Variants in ZNF521 observed in about 807,000 individuals in gnomAD.
The protein encoded by ZNF521 is LYST-interacting protein 3.
In ZNF521, 14 loss-of-function variants were observed where a neutral mutation model predicts 105.5. The observed-to-expected ratio is 0.13, with a 90% CI of 0.09 to 0.21. ZNF521 has a LOEUF of 0.21. Among genes scored for constraint, ZNF521 ranks in the 10% least tolerant of loss-of-function variants. The pLI is 1.00. For synonymous variants in ZNF521, 635 were observed against 606.0 expected, an observed-to-expected ratio of 1.05 and a Z score of -0.70; for missense variants, 1,233 against 1,629.7, an observed-to-expected ratio of 0.76 and a Z score of 4.19.
At chr18:25,105,587 T>G (rs1401193650) in intron 5 of ZNF521, among the ~76,000 whole-genome samples, 1 of 152,146 alleles carries the variant, frequency 6.6e-6, no homozygotes, top group East Asian at 1.9e-4. Context: ...TTTCAAAATG[T>G]GTGGGTGTGG....
Position 25,195,202 on chromosome 18 carries a change from T to C in ZNF521, c.3616A>G (p.Asn1206Asp), listed in dbSNP as rs769038829. The C allele has an allele frequency of 6.9e-6, 11 of 1,599,412 alleles. No individual in the cohort carries two copies. Among genetic ancestry groups the C allele is most frequent in the Non-Finnish European group, 9.4e-6 (11 of 1,174,208 alleles). The change falls in exon 5 of 8, where the codon AAT (asparagine) becomes GAT (aspartate). Residue 1206 changes from asparagine (N) to aspartate (D), a missense_variant. Asn to Asp is a conservative substitution (Grantham distance 23). Transcript: ENST00000361524. ...QCIKCQMVFY[N>D]EWDIQVHVAN... ...ACATGAACCTGAATATCCCATTCAT[T>C]GTAGAAAACCATCTGACACTTGATG... is the stretch of plus-strand genomic sequence containing the variant.
chr18:25,214,976 C>T (rs183547599), intron 4 of ZNF521, among the ~76,000 whole-genome samples: 33 of 152,158 alleles, frequency 2.2e-4, no homozygotes, highest in African/African-American at 7.7e-4. Flanking sequence ...AGACGAAACA[C>T]TAACCAAAAT....
At chr18:25,076,614 A>C (rs2033368076) in intron 7 of ZNF521, among the ~76,000 whole-genome samples, 1 of 152,204 alleles carries the variant, frequency 6.6e-6, no homozygotes, top group South Asian at 2.1e-4. Context: ...GGAATGAATG[A>C]GCCAATTCAC....
At chr18:25,162,404 G>A (rs1044194772) in intron 5 of ZNF521, among the ~76,000 whole-genome samples, 2 of 152,100 alleles carry the variant, frequency 1.3e-5, no homozygotes, top group Admixed American at 6.5e-5. Flanking sequence ...GTATGGATAC[G>A]GAATTCTATA....
Position 25,225,946 on chromosome 18 carries a change from C to G in ZNF521, c.1972G>C (p.Asp658His). 6.2e-7 allele frequency: 1 copy of G among 1,614,022 alleles called. No homozygotes were observed. Among genetic ancestry groups the G allele is most frequent in the South Asian group, 1.1e-5 (1 of 91,086 alleles). The part of the protein sequence containing the change: ...SFQTHLKTHL[D>H]TVLPKLTCPQ... ...CAGGTCAATTTTGGAAGCACAGTGTCGAGATGAGTTTTTAGGTGAGTCTGA... is the reference window on the plus strand; with the variant it reads ...CAGGTCAATTTTGGAAGCACAGTGTGGAGATGAGTTTTTAGGTGAGTCTGA... Residue 658 changes from aspartate to histidine, a missense_variant, in exon 4 of 8, where the codon GAC becomes CAC. This residue lies in a region of ZNF521 where 614 missense variants were observed against 751.5 expected (regional missense o/e 0.82). Transcript: ENST00000361524. This position sits in a 1 kb window ranked among gnomAD's most constrained non-coding sequence, Gnocchi z 5.6.
chr18:25,102,123 A>AAC (rs1600025377), intron 5 of ZNF521, among the ~76,000 whole-genome samples: 1 of 152,314 alleles, frequency 6.6e-6, no homozygotes, highest in East Asian at 1.9e-4. Context: ...TAAAACTACT[A>AAC]TAAAGCAATT....
intron 2 of ZNF521, among the ~76,000 whole-genome samples, chr18:25,338,259 T>TTGTGTGTGTGTG (rs34813730): frequency 0.13 from 17,982 of 136,412 alleles, 1,365 homozygotes; most frequent in East Asian, 0.18. Flanking sequence ...TCATAGACTT[T>TTGTGTGTGTGTG]TGTGTGTGTG....
intron 5 of ZNF521, among the ~76,000 whole-genome samples, chr18:25,173,942 T>C (rs1256948545): frequency 6.6e-6 from 1 of 152,226 alleles, no homozygotes; most frequent in Non-Finnish European, 1.5e-5. Flanking sequence ...CTAAGATTCA[T>C]TCCTTTCATT....
At position 25,224,698 on chromosome 18, in the gene ZNF521, A is replaced by C. The variant is rs1905984477; in HGVS notation, c.3220T>G (p.Phe1074Val). Residue 1074 changes from phenylalanine to valine, a missense_variant, in exon 4 of 8, where the codon TTC (phenylalanine) becomes GTC (valine). Phe to Val is a conservative substitution (Grantham distance 50). This residue lies in a region of ZNF521 where 614 missense variants were observed against 751.5 expected (regional missense o/e 0.82). Coordinates refer to ENST00000361524, the MANE Select transcript of ZNF521 (RefSeq NM_015461.3). Reference sequence around the variant, plus strand: ...TTCACCAGATCTTGCTTGGAACGGAATTCTTTGAGGCAAGATGCGCACTTA... The same window carrying C: ...TTCACCAGATCTTGCTTGGAACGGACTTCTTTGAGGCAAGATGCGCACTTA... ...LYKCASCLKE[F>V]RSKQDLVKLD... 6.2e-7 allele frequency: 1 copy of C among 1,614,028 alleles called. No homozygotes were observed. The highest frequency in any genetic ancestry group is 1.3e-5 in the African/African-American group (1 of 74,986).
At chr18:25,343,917 T>C (rs752015271) in intron 2 of ZNF521, among the ~76,000 whole-genome samples, 30 of 152,166 alleles carry the variant, frequency 2.0e-4, no homozygotes, top group Non-Finnish European at 3.7e-4. Flanking sequence ...ACCTCTGCAA[T>C]CTGACAACTA....
At chr18:25,175,533 T>C (rs535044433) in intron 5 of ZNF521, among the ~76,000 whole-genome samples, 3 of 152,370 alleles carry the variant, frequency 2.0e-5, no homozygotes, top group African/African-American at 7.2e-5. Context: ...TTAAATGTCA[T>C]GTCACTCCTT....
chr18:25,170,105 T>C (rs2144555427), intron 5 of ZNF521, among the ~76,000 whole-genome samples: 1 of 151,992 alleles, frequency 6.6e-6, no homozygotes, highest in African/African-American at 2.4e-5. Flanking sequence ...TTAATAGAAG[T>C]AGTTTTCTTT....
intron 2 of ZNF521, 38 bp from the exon 3 acceptor site, chr18:25,322,225 A>G: frequency 6.3e-7 from 1 of 1,598,442 alleles, no homozygotes; most frequent in East Asian, 2.2e-5. Context: ...GGGTTTAAAG[A>G]CAGGTTCTTT....
At chr18:25,298,661 A>T (rs1044571774) in intron 3 of ZNF521, among the ~76,000 whole-genome samples, 1 of 152,170 alleles carries the variant, frequency 6.6e-6, no homozygotes, top group Non-Finnish European at 1.5e-5. Context: ...TTCCTTGATC[A>T]TACACCAATC....
chr18:25,225,514 T>C lies in ZNF521; in HGVS notation c.2404A>G (p.Ile802Val), dbSNP rs985736300. The C allele has an allele frequency of 5.6e-6, 9 of 1,614,226 alleles. No individual in the cohort carries two copies. Among genetic ancestry groups the C allele is most frequent in the Non-Finnish European group, 7.6e-6 (9 of 1,180,028 alleles). Residue 802 changes from isoleucine (I) to valine (V), a missense_variant, in exon 4 of 8, where the codon ATC (isoleucine) becomes GTC (valine). Physicochemically the swap from Ile to Val is conservative, Grantham distance 29 (BLOSUM62 3). Transcript: ENST00000361524. The surrounding 1 kb of genome is among the most constrained non-coding windows in gnomAD (Gnocchi z 5.6). ...FGTEVELQCH[I>V]TTHSKKYNCK... is the part of the protein sequence containing the mutation. ...TTGTACTTCTTACTGTGAGTGGTGATGTGGCATTGCAGCTCCACCTCGGTG... is the reference window on the plus strand; with the variant it reads ...TTGTACTTCTTACTGTGAGTGGTGACGTGGCATTGCAGCTCCACCTCGGTG...
intron 2 of ZNF521, among the ~76,000 whole-genome samples, chr18:25,322,722 TAG>T: frequency 6.6e-6 from 1 of 152,278 alleles, no homozygotes; most frequent in East Asian, 1.9e-4. Context: ...CATTATTTGT[TAG>T]ACAGTGATAG....
chr18:25,215,915 C>G (rs1037862181), intron 4 of ZNF521, among the ~76,000 whole-genome samples: 2 of 152,164 alleles, frequency 1.3e-5, no homozygotes, highest in East Asian at 3.8e-4. Context: ...ACAACAACAA[C>G]AATACAGATT....
rs150788035 is a variant in ZNF521 at position 25,248,755 on chromosome 18, C to T, written c.221-21058G>A. Among the ~76,000 whole-genome samples the T allele has an allele frequency of 7.0e-4, 106 of 152,304 alleles. No individual in the cohort carries two copies. The East Asian group carries it at 0.015, about 22-fold the overall frequency. On this transcript the variant is annotated intron_variant, in intron 3 of 7. Transcript: ENST00000361524. ...TTCCTTCTGTCAGACAGGGATACAA[C>T]TACAAGTGCGCACTTATTTAAAAAC...
chr18:25,245,559 A>T (rs1907648097), intron 3 of ZNF521, among the ~76,000 whole-genome samples: 1 of 152,192 alleles, frequency 6.6e-6, no homozygotes, highest in African/African-American at 2.4e-5. Flanking sequence ...TGTAACTTGT[A>T]TTCAAGTTTA....
Sources: allele counts gnomAD v4.1 joint callset (sites outside exome capture counted in the v4.1 genomes callset), GRCh38; gene constraint gnomAD v4.1.1; regional missense constraint gnomAD v4.1.1; non-coding constraint Gnocchi (gnomAD v3.1); transcripts MANE v1.5; gene names NCBI Gene and HGNC (gene_info 2026-07-23, HGNC 2026-07-21).